Variants in NGDN observed in about 807,000 individuals in gnomAD.
NGDN encodes neuroguidin.
Under a neutral mutation model 45.2 loss-of-function variants are expected in NGDN, and 41 were observed. The observed-to-expected ratio is 0.91, with a 90% CI of 0.71 to 1.18. The LOEUF (loss-of-function observed/expected upper bound fraction) is 1.18. Ranked by LOEUF, NGDN falls within the 50% of genes most tolerant of loss-of-function variation. The pLI is 0.00. For missense variants in NGDN, 402 were observed against 399.9 expected, an observed-to-expected ratio of 1.01 and a Z score of -0.05; for synonymous variants, 137 against 130.9, an observed-to-expected ratio of 1.05 and a Z score of -0.32.
At position 23,469,876 on chromosome 14, in the gene NGDN, G is replaced by A. The variant is rs17256329; in HGVS notation, c.12+149G>A. On this transcript the variant is annotated intron_variant, in intron 1 of 10. Coordinates refer to ENST00000408901, the MANE Select transcript of NGDN (RefSeq NM_001042635.2). ...CTCCCTAGAGTTACCGTTCCTGTCC[G>A]GTAACCCAAGGGGCTGGCTTTAAGG... is the stretch of plus-strand genomic sequence containing the variant. 3.0e-3 allele frequency: 3,754 copies of A among 1,249,286 alleles called. 126 individuals carry two copies. In the East Asian group the frequency reaches 0.072, roughly 24 times the overall value. 77.4% of individuals were successfully genotyped at this position (1,249,286 alleles called of 1,614,324 possible). A position where few individuals can be genotyped will look rare whatever the true frequency, so the allele number is the denominator to read the frequency against.
In NGDN at chr14:23,470,910, T is replaced by C; in HGVS notation, c.77T>C (p.Met26Thr). 1 of 1,567,964 alleles carries C rather than the reference T, an allele frequency of 6.4e-7. No homozygotes were observed. Among genetic ancestry groups the C allele is most frequent in the Non-Finnish European group, 8.6e-7 (1 of 1,162,078 alleles). The stretch of plus-strand genomic sequence containing the variant: ...TTTTATTTGGGCTAATTTCAGGTGA[T>C]GGCTGTAACTGCACAAGTGAAATCA... ...TLLKNLQEQV[M>T]AVTAQVKSLT... Residue 26 changes from methionine to threonine, a missense_variant, in exon 3 of 11, where the codon ATG becomes ACG. Physicochemically the swap from Met to Thr is moderately conservative, Grantham distance 81. Transcript: ENST00000408901.
At chr14:23,474,300 T>C (rs986111711) in intron 3 of NGDN, among the ~76,000 whole-genome samples, 5 of 152,190 alleles carry the variant, frequency 3.3e-5, no homozygotes, top group Non-Finnish European at 7.4e-5. Flanking sequence ...ATTTAACCTC[T>C]CTGAAATAGG....
intron 3 of NGDN, 86 bp downstream of exon 3, chr14:23,471,063 C>T: frequency 2.2e-6 from 2 of 897,204 alleles, no homozygotes; most frequent in South Asian, 2.3e-5. Context: ...CTTATATATC[C>T]TAAGTGCTCG....
Position 23,475,213 on chromosome 14 carries a change from T to C in NGDN, c.187T>C (p.Tyr63His). The change falls in exon 4 of 11, where the codon TAC becomes CAC. Residue 63 changes from tyrosine to histidine, a missense_variant. Transcript: ENST00000408901. ...LEVKDQLLLMYLMDLTHLILD... is the reference protein window; with the variant it reads ...LEVKDQLLLMHLMDLTHLILD... ...AGTGAAAGACCAGCTGCTGCTCATG[T>C]ACCTTATGGATTTGACCCACCTCAT... 1 of 1,614,080 alleles carries C rather than the reference T, an allele frequency of 6.2e-7. No homozygotes were observed. Among genetic ancestry groups the C allele is most frequent in the Non-Finnish European group, 8.5e-7 (1 of 1,179,976 alleles).
intron 8 of NGDN, among the ~76,000 whole-genome samples, 179 bp from the exon 9 acceptor site, chr14:23,477,021 A>G (rs541930487): frequency 6.6e-6 from 1 of 152,362 alleles, no homozygotes; most frequent in Non-Finnish European, 1.5e-5. Context: ...AGCACATTTC[A>G]TTGAGGAAGC....
chr14:23,475,417 A>G (rs1196109039), intron 4 of NGDN, 109 bp downstream of exon 4: 10 of 1,379,258 alleles, frequency 7.3e-6, no homozygotes, highest in Non-Finnish European at 9.0e-6. Flanking sequence ...AAGGAAACCA[A>G]ATGAGAAAAG....
chr14:23,474,570 T>TC (rs11399441), intron 3 of NGDN, among the ~76,000 whole-genome samples: 131,261 of 151,800 alleles, frequency 0.86, 57,184 homozygotes, highest in Admixed American at 0.91. Context: ...ATTCATCATA[T>TC]CCCCCCCTAC....
In NGDN at chr14:23,477,366, A is replaced by C. The variant is rs778876020; in HGVS notation, c.870+10A>C. 1 of 1,614,066 alleles carries C rather than the reference A, an allele frequency of 6.2e-7. No individual in the cohort carries two copies. Among genetic ancestry groups the C allele is most frequent in the Non-Finnish European group, 8.5e-7 (1 of 1,179,922 alleles). The stretch of plus-strand genomic sequence containing the variant: ...TGTTCATCTTGATGAGGTGAGGTTG[A>C]GATATGGTTGTAGTAGGATGTGACT... On this transcript the variant is annotated intron_variant, in intron 9 of 10. Coordinates refer to ENST00000408901, the MANE Select transcript of NGDN (RefSeq NM_001042635.2).
intron 3 of NGDN, among the ~76,000 whole-genome samples, chr14:23,473,438 G>A (rs760559036): frequency 7.2e-5 from 11 of 152,138 alleles, no homozygotes; most frequent in Non-Finnish European, 1.3e-4. Context: ...ACTTTTACTA[G>A]GTGCTTTATA....
chr14:23,475,058 T>C, intron 3 of NGDN, 113 bp from the exon 4 acceptor site: 2 of 1,100,544 alleles, frequency 1.8e-6, no homozygotes, highest in Non-Finnish European at 2.6e-6. Flanking sequence ...ATACCTAATA[T>C]GAACTGATTG....
intron 10 of NGDN, 119 bp from the exon 11 acceptor site, chr14:23,477,888 C>G: frequency 1.3e-6 from 2 of 1,579,928 alleles, no homozygotes; most frequent in South Asian, 1.2e-5. Context: ...GGAAGATATT[C>G]AGGGTACTGC....
intron 1 of NGDN, 25 bp downstream of exon 1, chr14:23,469,752 C>T (rs766687364): frequency 8.1e-6 from 13 of 1,614,012 alleles, no homozygotes; most frequent in South Asian, 5.5e-5. Context: ...GTTTCTTCCT[C>T]GCGTAGCTAT....
chr14:23,476,145 A>T lies in NGDN; in HGVS notation c.537A>T (p.Val179=). The part of the protein sequence containing the change: ...KKYVPPRLVP[V]HYDETEAERE... The stretch of plus-strand genomic sequence containing the variant: ...ATGTTCCTCCACGCTTGGTTCCAGT[A>T]CATTATGGTATAAACTTTGGCTGCT... The change falls in exon 7 of 11, where the codon GTA becomes GTT. Residue 179 remains valine (V), a synonymous_variant. Coordinates refer to ENST00000408901, the MANE Select transcript of NGDN (RefSeq NM_001042635.2). 6.2e-7 allele frequency: 1 copy of T among 1,614,194 alleles called. No individual in the cohort carries two copies. The highest frequency in any genetic ancestry group is 8.5e-7 in the Non-Finnish European group (1 of 1,180,024).
At chr14:23,475,817 C>T (rs1893888420) in intron 6 of NGDN, 39 bp downstream of exon 6, 3 of 1,588,918 alleles carry the variant, frequency 1.9e-6, no homozygotes, top group Non-Finnish European at 1.7e-6. Context: ...TTTTCTGAGG[C>T]AGCTATACCT....
In NGDN at chr14:23,476,383, G is replaced by A. The variant is rs747388308; in HGVS notation, c.689G>A (p.Arg230His). 2.2e-5 allele frequency: 36 copies of A among 1,611,836 alleles called. No individual in the cohort carries two copies. The highest frequency in any genetic ancestry group is 4.0e-5 in the African/African-American group (3 of 74,864). The change falls in exon 8 of 11, where the codon CGC becomes CAC. Residue 230 changes from arginine (R) to histidine (H), a missense_variant. Transcript: ENST00000408901. ...IRDARHPHVT[R>H]QSQEDQHRIN... Reference sequence around the variant, plus strand: ...GATGCTCGGCATCCCCATGTTACCCGCCAGAGTCAGGAGGACCAACACAGG... The same window carrying A: ...GATGCTCGGCATCCCCATGTTACCCACCAGAGTCAGGAGGACCAACACAGG...
Position 23,476,140 on chromosome 14 carries a change from C to T in NGDN, c.532C>T (p.Pro178Ser). 6.2e-7 allele frequency: 1 copy of T among 1,614,146 alleles called. No individual in the cohort carries two copies. The highest frequency in any genetic ancestry group is 8.5e-7 in the Non-Finnish European group (1 of 1,179,998). Residue 178 changes from proline (P) to serine (S), a missense_variant, in exon 7 of 11, where the codon CCA becomes TCA. Pro to Ser is a moderately conservative substitution (Grantham distance 74). Coordinates refer to ENST00000408901, the MANE Select transcript of NGDN (RefSeq NM_001042635.2). ...SKKYVPPRLV[P>S]VHYDETEAER... ...GAAATATGTTCCTCCACGCTTGGTT[C>T]CAGTACATTATGGTATAAACTTTGG...
Position 23,469,725 on chromosome 14 carries a change from C to A in NGDN, c.10C>A (p.Leu4Met). 1.2e-6 allele frequency: 2 copies of A among 1,614,174 alleles called. No individual in the cohort carries two copies. The highest frequency in any genetic ancestry group is 1.7e-6 in the Non-Finnish European group (2 of 1,180,026). The stretch of plus-strand genomic sequence containing the variant: ...GGTGGGCTTTGCGAAGATGGCGGCG[C>A]TGGTGAGTTTGGTGTGGTTTCTTCC... Reference protein sequence around the residue: MAALGVLESDLPSA... With the variant: MAAMGVLESDLPSA... The change falls in exon 1 of 11, where the codon CTG (leucine) becomes ATG (methionine). Residue 4 changes from leucine (L) to methionine (M), a missense_variant and splice_region_variant. Coordinates refer to ENST00000408901, the MANE Select transcript of NGDN (RefSeq NM_001042635.2).
At position 23,476,164 on chromosome 14, in the gene NGDN, G is replaced by A; in HGVS notation, c.544+12G>A. 1 of 1,614,106 alleles carries A rather than the reference G, an allele frequency of 6.2e-7. No individual in the cohort carries two copies. Among genetic ancestry groups the A allele is most frequent in the Non-Finnish European group, 8.5e-7 (1 of 1,179,982 alleles). ...TCCAGTACATTATGGTATAAACTTT[G>A]GCTGCTGCCTCCTCAGCATGAACTG... On this transcript the variant is annotated intron_variant, in intron 7 of 10. Coordinates refer to ENST00000408901, the MANE Select transcript of NGDN (RefSeq NM_001042635.2).
intron 10 of NGDN, 115 bp from the exon 11 acceptor site, chr14:23,477,892 G>C: frequency 6.3e-7 from 1 of 1,595,594 alleles, no homozygotes; most frequent in Non-Finnish European, 8.5e-7. Flanking sequence ...GATATTCAGG[G>C]TACTGCCTAG....
Sources: allele counts gnomAD v4.1 joint callset (sites outside exome capture counted in the v4.1 genomes callset), GRCh38; gene constraint gnomAD v4.1.1; transcripts MANE v1.5; gene names NCBI Gene and HGNC (gene_info 2026-07-23, HGNC 2026-07-21).